AGBL4: variants seen among roughly 807,000 people sequenced by gnomAD.
AGBL4 encodes AGBL carboxypeptidase 4.
A neutral mutation model predicts 66.4 loss-of-function variants in AGBL4; 58 were observed. The observed-to-expected ratio is 0.87, with a 90% CI of 0.71 to 1.09. The LOEUF (loss-of-function observed/expected upper bound fraction) is 1.09. Among genes scored for constraint, AGBL4 ranks in the 50% least tolerant of loss-of-function variants. AGBL4 has a pLI of 0.00. For synonymous variants in AGBL4, 234 were observed against 222.9 expected (o/e 1.05, Z -0.44); for missense variants, 579 against 631.0 (o/e 0.92, Z 0.88).
intron 3 of AGBL4, among the ~76,000 whole-genome samples, chr1:49,384,364 C>A (rs184732253): frequency 6.6e-6 from 1 of 151,418 alleles, no homozygotes; most frequent in Non-Finnish European, 1.5e-5. Context: ...GAGGTCGAGG[C>A]GGGCGGATCA....
intron 1 of AGBL4, among the ~76,000 whole-genome samples, chr1:49,981,448 C>CA (rs1290109318): frequency 3.9e-5 from 6 of 152,014 alleles, no homozygotes; most frequent in African/African-American, 1.5e-4. Flanking sequence ...CTGACCTTTC[C>CA]AATTAACTAA....
intron 11 of AGBL4, among the ~76,000 whole-genome samples, chr1:48,574,903 C>T (rs1005232061): frequency 6.6e-6 from 1 of 152,136 alleles, no homozygotes; most frequent in Admixed American, 6.5e-5. Context: ...CTAGTTTTAG[C>T]GTCTTTCTGA....
intron 2 of AGBL4, among the ~76,000 whole-genome samples, chr1:49,819,839 G>A (rs547253125): frequency 6.6e-6 from 1 of 152,286 alleles, no homozygotes; most frequent in East Asian, 1.9e-4. Flanking sequence ...CTAGTAGAAA[G>A]AGCAGAGTTC....
chr1:48,690,381 A>T (rs963335010), intron 6 of AGBL4, among the ~76,000 whole-genome samples: 12 of 152,158 alleles, frequency 7.9e-5, no homozygotes, highest in South Asian at 6.2e-4. Flanking sequence ...ATGCAAAAAT[A>T]AGGAGGCAAC....
chr1:48,933,524 C>A (rs1655205462), intron 5 of AGBL4, among the ~76,000 whole-genome samples: 1 of 152,162 alleles, frequency 6.6e-6, no homozygotes, highest in Non-Finnish European at 1.5e-5. Context: ...AATCTATTCC[C>A]TTGACCCTGC....
intron 4 of AGBL4, among the ~76,000 whole-genome samples, chr1:49,102,062 GAC>G (rs926882120): frequency 3.9e-5 from 6 of 152,044 alleles, no homozygotes; most frequent in Non-Finnish European, 5.9e-5. Flanking sequence ...AGAGAAGGGA[GAC>G]ACAGCACCAG....
At chr1:48,558,412 G>T (rs909112307) in intron 11 of AGBL4, among the ~76,000 whole-genome samples, 3 of 152,094 alleles carry the variant, frequency 2.0e-5, no homozygotes, top group African/African-American at 7.2e-5. Flanking sequence ...CCTGTATTGA[G>T]CCCCCAGTCT....
chr1:48,957,099 A>G (rs1443124763), intron 5 of AGBL4, among the ~76,000 whole-genome samples: 3 of 152,164 alleles, frequency 2.0e-5, no homozygotes, highest in South Asian at 2.1e-4. Flanking sequence ...CTTCTTTTAT[A>G]TAACAGGGGT....
intron 6 of AGBL4, among the ~76,000 whole-genome samples, chr1:48,710,825 T>G (rs1188140412): frequency 6.6e-6 from 1 of 152,072 alleles, no homozygotes; most frequent in East Asian, 1.9e-4. Context: ...CAACCAGATA[T>G]AAAACCATTA....
At chr1:49,465,978 C>T (rs1251372526) in intron 3 of AGBL4, among the ~76,000 whole-genome samples, 6 of 151,832 alleles carry the variant, frequency 4.0e-5, no homozygotes, top group Admixed American at 3.9e-4. Context: ...CCCAATGACT[C>T]ATTTTATTGC....
intron 5 of AGBL4, among the ~76,000 whole-genome samples, chr1:49,033,535 C>T (rs894423301): frequency 4.6e-5 from 7 of 152,106 alleles, no homozygotes; most frequent in African/African-American, 1.7e-4. Context: ...TGCTGGCCCT[C>T]TCCACCCTGT....
intron 3 of AGBL4, among the ~76,000 whole-genome samples, chr1:49,538,316 A>C (rs772087926): frequency 2.0e-5 from 3 of 152,216 alleles, no homozygotes; most frequent in Non-Finnish European, 4.4e-5. Flanking sequence ...GTGGAACTGG[A>C]GGTTATTATT....
intron 2 of AGBL4, among the ~76,000 whole-genome samples, chr1:49,795,381 G>A (rs1277266465): frequency 6.6e-6 from 1 of 151,636 alleles, no homozygotes; most frequent in Admixed American, 6.6e-5. Flanking sequence ...ACTAAGTAAA[G>A]GTATCTCAAT....
intron 5 of AGBL4, among the ~76,000 whole-genome samples, chr1:48,897,489 G>A (rs1046677810): frequency 3.3e-5 from 5 of 152,090 alleles, no homozygotes; most frequent in African/African-American, 1.2e-4. Context: ...TTTTGGATAC[G>A]TATTCAGTAG....
intron 4 of AGBL4, among the ~76,000 whole-genome samples, chr1:49,232,952 T>C (rs1296714734): frequency 6.6e-6 from 1 of 152,198 alleles, no homozygotes; most frequent in African/African-American, 2.4e-5. Context: ...AAAATATTCT[T>C]TTGTTTAAAA....
chr1:49,751,087 C>G (rs1481528673), intron 2 of AGBL4, among the ~76,000 whole-genome samples: 4 of 152,136 alleles, frequency 2.6e-5, no homozygotes, highest in Admixed American at 1.3e-4. Context: ...ATTTCTTTCA[C>G]TTGTGTGATT....
chr1:49,879,864 T>C (rs1571785693), intron 1 of AGBL4, among the ~76,000 whole-genome samples: 1 of 103,236 alleles, frequency 9.7e-6, no homozygotes, highest in African/African-American at 4.1e-5. Flanking sequence ...TCATTTCTTT[T>C]TATTCTTTTT....
At chr1:49,380,277 A>G (rs1365682557) in intron 3 of AGBL4, among the ~76,000 whole-genome samples, 1 of 152,202 alleles carries the variant, frequency 6.6e-6, no homozygotes, top group East Asian at 1.9e-4. Context: ...TAAAATACCT[A>G]GGAATCCAAC....
intron 2 of AGBL4, among the ~76,000 whole-genome samples, chr1:49,766,617 T>C (rs1444558552): frequency 6.6e-6 from 1 of 151,540 alleles, no homozygotes; most frequent in Non-Finnish European, 1.5e-5. Context: ...TGCCCCCACT[T>C]AAAAGGCACA....
Sources: gnomAD v4.1 joint callset for allele counts (sites outside exome capture counted in the v4.1 genomes callset) on GRCh38, gnomAD v4.1.1 for gene constraint, MANE v1.5 for transcripts, NCBI Gene and HGNC (gene_info 2026-07-23, HGNC 2026-07-21) for gene names.